AZIN2: variants seen among roughly 807,000 people sequenced by gnomAD.
AZIN2 encodes the protein ODC antizyme inhibitor-2.
A neutral mutation model predicts 47.8 loss-of-function variants in AZIN2; 28 were observed. The ratio of observed to expected loss-of-function variants is 0.59; its 90% CI spans 0.43 to 0.80. AZIN2 has a LOEUF of 0.80. AZIN2 is among the 30% of genes least tolerant of loss of function. AZIN2 has a pLI of 0.00. For missense variants in AZIN2, 535 were observed against 582.5 expected, an observed-to-expected ratio of 0.92 and a Z score of 0.84; for synonymous variants, 221 against 239.4, an observed-to-expected ratio of 0.92 and a Z score of 0.71.
intron 7 of AZIN2, 122 bp from the exon 8 acceptor site, chr1:33,094,426 T>C (rs1312021652): frequency 1.9e-6 from 2 of 1,055,528 alleles, no homozygotes; most frequent in Non-Finnish European, 2.8e-6. Context: ...AGGACCTTGG[T>C]CACTGCATCT....
At chr1:33,145,670 G>A in the AZIN2 span, 1 of 315,290 alleles carries the variant, frequency 3.2e-6, no homozygotes, top group Non-Finnish European at 6.3e-6. Context: ...AGAAAGAAAA[G>A]TCAAGGCCGG....
chr1:33,120,306 G>A lies in AZIN2; in HGVS notation c.*124G>A, dbSNP rs145022972. ...CTGGTGCCCACCCTGCCACCCCCGC[G>A]CTCCACCTGCAGTGTTTCTGCCCTG... On this transcript the variant is annotated 3_prime_UTR_variant, in exon 12 of 12. Transcript: ENST00000294517. The A allele has an allele frequency of 1.2e-5, 16 of 1,344,580 alleles. No homozygotes were observed. The highest frequency in any genetic ancestry group is 9.4e-5 in the East Asian group (4 of 42,372). The allele number at this position is 1,344,580 out of a possible 1,614,324, so 83.3% of individuals were successfully genotyped here.
intron 10 of AZIN2, among the ~76,000 whole-genome samples, chr1:33,105,400 C>CA (rs571261896): frequency 0.012 from 1,812 of 152,220 alleles, 47 homozygotes; most frequent in African/African-American, 0.041. Flanking sequence ...AGTTTGTTCT[C>CA]ACACTGCCAA....
At chr1:33,157,031 C>A in the AZIN2 span, among the ~76,000 whole-genome samples, 2 of 149,640 alleles carry the variant, frequency 1.3e-5, no homozygotes, top group African/African-American at 4.9e-5. Context: ...CCATCCTTCA[C>A]CCCCTTCGGT....
chr1:33,123,727 G>A (rs185246362), downstream of AZIN2, among the ~76,000 whole-genome samples: 24 of 152,304 alleles, frequency 1.6e-4, no homozygotes, highest in Admixed American at 1.2e-3. Context: ...GGCAAGGAGC[G>A]GTGGCTTACG....
the AZIN2 span, chr1:33,159,685 T>C: frequency 6.2e-7 from 1 of 1,603,822 alleles, no homozygotes; most frequent in Non-Finnish European, 8.5e-7. This position sits in a 1 kb window ranked among gnomAD's most constrained non-coding sequence, Gnocchi z 4.2. Context: ...GGGTGGCACT[T>C]ACCGCTCGGA....
chr1:33,106,778 G>A (rs1423564575), intron 10 of AZIN2, among the ~76,000 whole-genome samples: 2 of 152,070 alleles, frequency 1.3e-5, no homozygotes, highest in African/African-American at 2.4e-5. Context: ...AACATGATAA[G>A]GGCCATATAT....
the AZIN2 span, chr1:33,142,884 C>T: frequency 6.6e-6 from 1 of 151,954 alleles, no homozygotes; most frequent in African/African-American, 2.4e-5. Context: ...GTGACGTTTC[C>T]CTGCTCAAAC....
the AZIN2 span, among the ~76,000 whole-genome samples, chr1:33,140,484 G>A: frequency 6.6e-6 from 1 of 152,230 alleles, no homozygotes; most frequent in Non-Finnish European, 1.5e-5. The surrounding 1 kb of genome is among the most constrained non-coding windows in gnomAD (Gnocchi z 4.0). Context: ...GTAAGCAGAG[G>A]AAGCAGGCAC....
chr1:33,149,060 G>A, the AZIN2 span, among the ~76,000 whole-genome samples: 1 of 152,116 alleles, frequency 6.6e-6, no homozygotes, highest in African/African-American at 2.4e-5. Context: ...ACCCCCAGAG[G>A]CTCAATTCAA....
Position 33,092,041 on chromosome 1 carries a change from G to T in AZIN2, c.280-9G>T. 6.2e-7 allele frequency: 1 copy of T among 1,611,928 alleles called. No individual in the cohort carries two copies. Among genetic ancestry groups the T allele is most frequent in the Non-Finnish European group, 8.5e-7 (1 of 1,178,776 alleles). On this transcript the variant is annotated splice_polypyrimidine_tract_variant and intron_variant, in intron 5 of 11. Transcript: ENST00000294517. The stretch of plus-strand genomic sequence containing the variant: ...GTGCCTCCTTACAACCACCTTTGGG[G>T]CCCCATAGGCAGAGATGGAGTTGGT...
At chr1:33,110,429 C>T (rs1027289987) in intron 10 of AZIN2, among the ~76,000 whole-genome samples, 1 of 152,058 alleles carries the variant, frequency 6.6e-6, no homozygotes, top group Non-Finnish European at 1.5e-5. Flanking sequence ...ATCAGACCTG[C>T]GTTTACTTCA....
chr1:33,116,783 G>A (rs1050964466), intron 10 of AZIN2, among the ~76,000 whole-genome samples: 1 of 152,212 alleles, frequency 6.6e-6, no homozygotes, highest in African/African-American at 2.4e-5. Context: ...AGATCTAAAG[G>A]AGAAATAGGA....
At chr1:33,117,562 C>A (rs906575403) in intron 10 of AZIN2, among the ~76,000 whole-genome samples, 5 of 152,240 alleles carry the variant, frequency 3.3e-5, no homozygotes, top group African/African-American at 1.2e-4. Flanking sequence ...GCTCTCCATA[C>A]ACTAACTCAT....
intron 5 of AZIN2, among the ~76,000 whole-genome samples, chr1:33,087,490 G>C (rs554383501): frequency 6.6e-6 from 1 of 151,356 alleles, no homozygotes; most frequent in Non-Finnish European, 1.5e-5. Flanking sequence ...AGGGTGGAGT[G>C]CAGTGGCGTG....
the AZIN2 span, among the ~76,000 whole-genome samples, chr1:33,138,318 T>G: frequency 6.6e-6 from 1 of 151,988 alleles, no homozygotes; most frequent in Non-Finnish European, 1.5e-5. Flanking sequence ...AAAAACAGGT[T>G]ATGGAACAAT....
the AZIN2 span, among the ~76,000 whole-genome samples, chr1:33,143,579 C>T: frequency 5.3e-5 from 8 of 152,190 alleles, no homozygotes; most frequent in Non-Finnish European, 1.0e-4. Flanking sequence ...CTCCCATCCT[C>T]GTTCTCATTC....
the AZIN2 span, among the ~76,000 whole-genome samples, chr1:33,129,149 G>A: frequency 6.1e-4 from 93 of 152,304 alleles, no homozygotes; most frequent in African/African-American, 2.1e-3. This position sits in a 1 kb window ranked among gnomAD's most constrained non-coding sequence, Gnocchi z 4.1. Context: ...TAGGATGGAA[G>A]GTAAGAATGG....
chr1:33,141,027 T>C, the AZIN2 span, among the ~76,000 whole-genome samples: 1 of 152,112 alleles, frequency 6.6e-6, no homozygotes, highest in African/African-American at 2.4e-5. Flanking sequence ...GCTGCTGTCT[T>C]TGCATCTGTG....
Sources: allele counts gnomAD v4.1 joint callset (sites outside exome capture counted in the v4.1 genomes callset), GRCh38; gene constraint gnomAD v4.1.1; non-coding constraint Gnocchi (gnomAD v3.1); transcripts MANE v1.5; gene names NCBI Gene and HGNC (gene_info 2026-07-23, HGNC 2026-07-21).